The following KSR2 variants were observed in gnomAD, a reference collection of about 807,000 sequenced individuals.
KSR2 encodes the protein kinase suppressor of ras 2.
A neutral mutation model predicts 107.8 loss-of-function variants in KSR2; 25 were observed. The observed-to-expected ratio is 0.23, with a 90% confidence interval of 0.17 to 0.32. KSR2 has a LOEUF of 0.32. Among genes scored for constraint, KSR2 ranks in the 10% least tolerant of loss-of-function variants. The pLI, the probability that KSR2 is intolerant of heterozygous loss-of-function variation, is 1.00. For synonymous variants in KSR2, 480 were observed against 507.0 expected, an observed-to-expected ratio of 0.95 and a Z score of 0.71; for missense variants, 887 against 1,268.9, an observed-to-expected ratio of 0.70 and a Z score of 4.57.
At chr12:117,667,416 T>C (rs1206978638) in intron 5 of KSR2, 58 bp downstream of exon 5, 3 of 1,504,390 alleles carry the variant, frequency 2.0e-6, no homozygotes, top group Non-Finnish European at 1.8e-6. Flanking sequence ...CAGCAGGTGC[T>C]GGGGAGAAGG....
rs576454880 is a variant in KSR2 at position 117,539,742 on chromosome 12, T to G, written c.1664A>C (p.Gln555Pro). 11 of 1,602,032 alleles carry G rather than the reference T, an allele frequency of 6.9e-6. No homozygotes were observed. In the African/African-American group the frequency reaches 1.3e-4, roughly 20 times the overall value. The change falls in exon 10 of 20, where the codon CAG (glutamine) becomes CCG (proline). Residue 555 changes from glutamine (Q) to proline (P), a missense_variant. Physicochemically the swap from Gln to Pro is moderately conservative, Grantham distance 76. This residue lies in a region of KSR2 where 50 missense variants were observed against 43.4 expected (regional missense o/e 1.15). Coordinates refer to ENST00000339824, the MANE Select transcript of KSR2 (RefSeq NM_173598.6). ...PLHPSPQCTR[Q>P]QKNFNLPASH... is the part of the protein sequence containing the mutation. ...ACCTGGCAGGTTGAAGTTCTTCTGC[T>G]GCCGTGTGCACTGTGGGGAAGGGTG...
chr12:117,593,249 C>G (rs1880430609), intron 5 of KSR2, among the ~76,000 whole-genome samples: 1 of 152,214 alleles, frequency 6.6e-6, no homozygotes, highest in African/African-American at 2.4e-5. Flanking sequence ...CAAGAGCTGA[C>G]AGAGGCCCCA....
chr12:117,848,826 A>ATGGTGG (rs746004022), intron 3 of KSR2, among the ~76,000 whole-genome samples: 11 of 128,168 alleles, frequency 8.6e-5, no homozygotes, highest in East Asian at 6.6e-4. Flanking sequence ...GTGGGTGGTG[A>ATGGTGG]TGGTGGTAGT....
chr12:117,506,255 A>G (rs1325029199), intron 14 of KSR2, among the ~76,000 whole-genome samples: 1 of 152,212 alleles, frequency 6.6e-6, no homozygotes, highest in Non-Finnish European at 1.5e-5. Flanking sequence ...GCTAAATATC[A>G]AGGCTTTCAG....
intron 5 of KSR2, among the ~76,000 whole-genome samples, chr12:117,654,371 G>T (rs905485003): frequency 6.6e-6 from 1 of 152,142 alleles, no homozygotes; most frequent in African/African-American, 2.4e-5. Flanking sequence ...AGCCTACACC[G>T]ATGGCCTCAT....
intron 5 of KSR2, 117 bp downstream of exon 5, chr12:117,667,357 C>T: frequency 1.0e-6 from 1 of 1,003,598 alleles, no homozygotes; most frequent in Non-Finnish European, 1.5e-6. Context: ...GTGAGCATTT[C>T]ACAAGCCCTT....
chr12:117,702,134 T>G (rs1190922380), intron 4 of KSR2, among the ~76,000 whole-genome samples: 1 of 152,216 alleles, frequency 6.6e-6, no homozygotes, highest in Non-Finnish European at 1.5e-5. Context: ...TGCCCTTGTC[T>G]GCTCCCCAGT....
chr12:117,831,407 T>C (rs573935520), intron 3 of KSR2, among the ~76,000 whole-genome samples: 3 of 152,316 alleles, frequency 2.0e-5, no homozygotes, highest in African/African-American at 7.2e-5. Context: ...CTTTGAGACC[T>C]GAACCACGTT....
chr12:117,866,837 AT>A (rs1025017321), intron 1 of KSR2, among the ~76,000 whole-genome samples: 5 of 121,932 alleles, frequency 4.1e-5, no homozygotes, highest in African/African-American at 2.1e-4. Context: ...CTCAAAAAAA[AT>A]TAAAAAAAAA....
At chr12:117,549,357 A>G (rs945445652) in intron 9 of KSR2, among the ~76,000 whole-genome samples, 19 of 152,146 alleles carry the variant, frequency 1.2e-4, no homozygotes, top group Non-Finnish European at 2.9e-5. Context: ...CACCCTCCCA[A>G]GCCTTGCTCT....
Position 117,541,828 on chromosome 12 carries a change from A to G in KSR2, c.1519-1941T>C, listed in dbSNP as rs150229377. On this transcript the variant is annotated intron_variant, in intron 9 of 19. Transcript: ENST00000339824. ...AGCCCACTCCACTGCCACTAGATCC[A>G]CACTGCTTCTGGGTCAGTGAGTCTC... 7.2e-5 allele frequency among the ~76,000 whole-genome samples: 11 copies of G among 152,252 alleles called. No individual in the cohort carries two copies. The East Asian group carries it at 1.9e-3, about 27-fold the overall frequency.
chr12:117,758,271 T>C (rs1888868012), intron 4 of KSR2, among the ~76,000 whole-genome samples: 1 of 152,204 alleles, frequency 6.6e-6, no homozygotes. Flanking sequence ...ACGCCTCCTT[T>C]ATAAATCCTG....
intron 14 of KSR2, chr12:117,517,942 G>A (rs1369637525): frequency 2.2e-6 from 1 of 448,500 alleles, no homozygotes; most frequent in Non-Finnish European, 4.4e-6. Context: ...AGAAGGCAGG[G>A]TTCTCCATGC....
intron 5 of KSR2, among the ~76,000 whole-genome samples, chr12:117,633,563 G>C (rs1398497209): frequency 2.0e-5 from 3 of 152,162 alleles, no homozygotes; most frequent in Non-Finnish European, 4.4e-5. Flanking sequence ...CCCTAGGAAG[G>C]ATAAATTCCA....
At chr12:117,921,284 ATTCCT>A (rs1895336557) in intron 1 of KSR2, among the ~76,000 whole-genome samples, 2 of 152,226 alleles carry the variant, frequency 1.3e-5, no homozygotes, top group Non-Finnish European at 2.9e-5. Flanking sequence ...TGCTATTGTT[ATTCCT>A]AATTCCACAA....
intron 5 of KSR2, among the ~76,000 whole-genome samples, chr12:117,666,108 A>G (rs1044489694): frequency 1.3e-5 from 2 of 152,184 alleles, no homozygotes; most frequent in African/African-American, 4.8e-5. Flanking sequence ...GAGCCTGCCT[A>G]ACCTGGGCAC....
intron 3 of KSR2, among the ~76,000 whole-genome samples, chr12:117,768,171 G>C (rs1174886618): frequency 6.6e-6 from 1 of 152,222 alleles, no homozygotes; most frequent in Non-Finnish European, 1.5e-5. Flanking sequence ...TTGAGGCTTG[G>C]ACCCCAAACT....
At chr12:117,687,235 G>T (rs1885612101) in intron 4 of KSR2, among the ~76,000 whole-genome samples, 1 of 152,164 alleles carries the variant, frequency 6.6e-6, no homozygotes. Context: ...TTCTGTGGGG[G>T]CAAGTGAGTC....
At chr12:117,890,568 T>C (rs892360858) in intron 1 of KSR2, among the ~76,000 whole-genome samples, 1 of 152,258 alleles carries the variant, frequency 6.6e-6, no homozygotes, top group Non-Finnish European at 1.5e-5. Flanking sequence ...TAAAGCCTTT[T>C]GCAGGTTCTA....
Sources: gnomAD v4.1 joint callset for allele counts (sites outside exome capture counted in the v4.1 genomes callset) on GRCh38, gnomAD v4.1.1 for gene constraint, gnomAD v4.1.1 regional missense constraint, MANE v1.5 for transcripts, NCBI Gene and HGNC (gene_info 2026-07-23, HGNC 2026-07-21) for gene names.